SOX5: variants seen among roughly 807,000 people sequenced by gnomAD.
SOX5 encodes the protein transcription factor SOX-5.
SOX5 carries 9 observed loss-of-function variants against 92.0 expected under a neutral mutation model. The observed-to-expected ratio is 0.10, with a 90% CI of 0.06 to 0.17. The LOEUF (loss-of-function observed/expected upper bound fraction) is 0.17. Ranked by LOEUF, SOX5 falls within the 10% of genes least tolerant of loss-of-function variation. SOX5 has a pLI of 1.00. For synonymous variants in SOX5, 344 were observed against 336.3 expected (o/e 1.02, Z -0.25); for missense variants, 642 against 944.5 (o/e 0.68, Z 4.20).
chr12:23,600,707 G>C (rs1257983885), intron 9 of SOX5, among the ~76,000 whole-genome samples: 1 of 151,674 alleles, frequency 6.6e-6, no homozygotes, highest in Non-Finnish European at 1.5e-5. Context: ...CTTGAATGCA[G>C]ATTTTGAACA....
At chr12:24,267,766 A>G (rs892396174) in intron 3 of SOX5, among the ~76,000 whole-genome samples, 1 of 152,224 alleles carries the variant, frequency 6.6e-6, no homozygotes, top group African/African-American at 2.4e-5. Context: ...TTTATTTGGA[A>G]GTAAAAATCC....
intron 2 of SOX5, among the ~76,000 whole-genome samples, chr12:24,342,974 C>T (rs760669831): frequency 1.3e-4 from 20 of 152,220 alleles, no homozygotes; most frequent in Non-Finnish European, 2.9e-4. Context: ...TAAATACTTA[C>T]TCAACATCAC....
At chr12:24,420,116 G>T (rs1965690349) in intron 1 of SOX5, among the ~76,000 whole-genome samples, 1 of 152,196 alleles carries the variant, frequency 6.6e-6, no homozygotes, top group Non-Finnish European at 1.5e-5. Flanking sequence ...GTACTAACAT[G>T]ATTTTAAATA....
rs545805086 is a variant in SOX5, at chr12:23,969,328, T to A, written c.-1-73304A>T. ...CCACTCTTGCCCTCTTCAATCCATTTTTTTTCCCACACTGTACCGAGACCA... is the reference window on the plus strand; with the variant it reads ...CCACTCTTGCCCTCTTCAATCCATTATTTTTCCCACACTGTACCGAGACCA... On this transcript the variant is annotated intron_variant, in intron 4 of 4. Coordinates refer to the SOX5 transcript ENST00000446891. Among the ~76,000 whole-genome samples the A allele has an allele frequency of 1.3e-3, 202 of 152,164 alleles. 1 individual carries two copies. The highest frequency in any genetic ancestry group is 4.6e-3 in the African/African-American group (190 of 41,526).
chr12:23,700,367 T>C (rs1319095668), intron 6 of SOX5, among the ~76,000 whole-genome samples: 1 of 152,190 alleles, frequency 6.6e-6, no homozygotes, highest in Non-Finnish European at 1.5e-5. Context: ...TGTCGTAGTC[T>C]GTGTTCTAGA....
At chr12:23,936,861 C>A (rs189399228) in intron 1 of SOX5, among the ~76,000 whole-genome samples, 1 of 150,884 alleles carries the variant, frequency 6.6e-6, no homozygotes, top group Admixed American at 6.6e-5. Flanking sequence ...TTTCTTTGAA[C>A]CTATGTCTTG....
intron 2 of SOX5, among the ~76,000 whole-genome samples, chr12:24,284,859 TTACACCTGTAATCC>T (rs1365014750): frequency 2.0e-5 from 3 of 152,180 alleles, no homozygotes; most frequent in African/African-American, 7.2e-5. Context: ...GCGTGGTGGC[TTACACCTGTAATCC>T]CAGCACTTCG....
intron 4 of SOX5, among the ~76,000 whole-genome samples, chr12:24,075,098 C>CA (rs1409767503): frequency 6.7e-6 from 1 of 150,086 alleles, no homozygotes; most frequent in Non-Finnish European, 1.5e-5. Flanking sequence ...CCCATCTCTA[C>CA]AAAAAATAAA....
intron 8 of SOX5, among the ~76,000 whole-genome samples, chr12:23,611,353 CGTGTGTGTGTGTGTGCGTGT>C (rs1345543870): frequency 1.4e-5 from 2 of 140,370 alleles, no homozygotes; most frequent in African/African-American, 5.2e-5. Flanking sequence ...AGTATTCCAT[CGTGTGTGTGTGTGTGCGTGT>C]GTGTGTGTGT....
At chr12:24,060,662 T>A (rs1293610825) in intron 4 of SOX5, among the ~76,000 whole-genome samples, 2 of 152,124 alleles carry the variant, frequency 1.3e-5, no homozygotes, top group African/African-American at 4.8e-5. Flanking sequence ...AAAGAGCACG[T>A]CATCTTCTCA....
intron 6 of SOX5, among the ~76,000 whole-genome samples, chr12:23,676,028 T>C (rs1285227822): frequency 2.6e-5 from 4 of 152,240 alleles, no homozygotes; most frequent in African/African-American, 9.6e-5. Flanking sequence ...GAACCCTGTA[T>C]GCTATTGGCA....
rs35914700 is a variant in SOX5 at position 24,077,772 on chromosome 12, C to CATATATATATAT, written c.-2+135559_-2+135570dup. Among the ~76,000 whole-genome samples, 120 of 116,896 alleles carry CATATATATATAT rather than the reference C, an allele frequency of 1.0e-3. 2 individuals carry two copies. Among genetic ancestry groups the CATATATATATAT allele is most frequent in the Middle Eastern group, 8.8e-3 (2 of 226 alleles). 76.7% of individuals were successfully genotyped at this position (116,896 alleles called of 152,430 possible). A position where few individuals can be genotyped will look rare whatever the true frequency, so the allele number is the denominator to read the frequency against. On this transcript the variant is annotated intron_variant, in intron 4 of 4. Coordinates refer to the SOX5 transcript ENST00000446891. The stretch of plus-strand genomic sequence containing the variant: ...GGTACTTCTCTTCGAAAGGTATTTT[C>CATATATATATAT]ATATATATATATATATATATATATA...
intron 4 of SOX5, among the ~76,000 whole-genome samples, chr12:24,002,045 A>G (rs1446879749): frequency 6.6e-6 from 1 of 152,212 alleles, no homozygotes; most frequent in Non-Finnish European, 1.5e-5. Flanking sequence ...TTCATTGGAT[A>G]CAGCTAAAGT....
Position 23,989,812 on chromosome 12 carries a change from G to A in SOX5, c.-1-93788C>T, listed in dbSNP as rs539241625. ...CCTGATCTCAGAGTTCCAGCCTCTA[G>A]AACTGTAAGAAATAAATTTCTGTTG... On this transcript the variant is annotated intron_variant, in intron 4 of 4. Coordinates refer to the SOX5 transcript ENST00000446891. Among the ~76,000 whole-genome samples, 194 of 152,246 alleles carry A rather than the reference G, an allele frequency of 1.3e-3. 1 individual carries two copies. The highest frequency in any genetic ancestry group is 4.4e-3 in the African/African-American group (181 of 41,558).
intron 4 of SOX5, among the ~76,000 whole-genome samples, chr12:24,102,347 T>C (rs11047258): frequency 0.045 from 6,885 of 152,244 alleles, 448 homozygotes; most frequent in African/African-American, 0.14. Context: ...CACCATTTGT[T>C]TCCCTGGAAA....
chr12:24,055,708 C>T (rs1050210989), intron 4 of SOX5, among the ~76,000 whole-genome samples: 2 of 151,988 alleles, frequency 1.3e-5, no homozygotes, highest in Non-Finnish European at 2.9e-5. Flanking sequence ...TTCATCTTGT[C>T]TAACAATTAG....
intron 2 of SOX5, among the ~76,000 whole-genome samples, chr12:24,285,803 A>T (rs538788647): frequency 6.6e-6 from 1 of 152,338 alleles, no homozygotes; most frequent in Non-Finnish European, 1.5e-5. Flanking sequence ...ACATTTTGAA[A>T]AATTATGGGA....
At chr12:23,539,401 T>G (rs186408021) in intron 13 of SOX5, among the ~76,000 whole-genome samples, 213 of 152,262 alleles carry the variant, frequency 1.4e-3, no homozygotes, top group Non-Finnish European at 2.7e-3. Context: ...ATTTATTATT[T>G]TCCTTATAGT....
At position 24,016,413 on chromosome 12, in the gene SOX5, G is replaced by C. The variant is rs555557056; in HGVS notation, c.-1-120389C>G. Among the ~76,000 whole-genome samples, 7 of 152,182 alleles carry C rather than the reference G, an allele frequency of 4.6e-5. No homozygotes were observed. In the East Asian group the frequency reaches 1.2e-3, roughly 25 times the overall value. ...CAGCTGCACATACTTGAGAACTAAT[G>C]GTCCCAGGACTTAACCATAAATAAC... On this transcript the variant is annotated intron_variant, in intron 4 of 4. Coordinates refer to the SOX5 transcript ENST00000446891.
Sources: gnomAD v4.1 joint callset for allele counts (sites outside exome capture counted in the v4.1 genomes callset) on GRCh38, gnomAD v4.1.1 for gene constraint, MANE v1.5 for transcripts, NCBI Gene and HGNC (gene_info 2026-07-23, HGNC 2026-07-21) for gene names.